ROBO1: variants seen among roughly 807,000 people sequenced by gnomAD.
ROBO1 encodes the protein roundabout homolog 1.
A neutral mutation model predicts 195.9 loss-of-function variants in ROBO1; 149 were observed. The ratio of observed to expected loss-of-function variants is 0.76; its 90% CI spans 0.67 to 0.87. The LOEUF is 0.87. ROBO1 is among the 40% of genes least tolerant of loss of function. The probability of loss-of-function intolerance (pLI) is 0.00; values close to 1 mark genes in which losing one functional copy is unlikely to be tolerated. For missense variants in ROBO1, 1,933 were observed against 2,068.3 expected, an observed-to-expected ratio of 0.93 and a Z score of 1.27; for synonymous variants, 816 against 733.2, an observed-to-expected ratio of 1.11 and a Z score of -1.82.
intron 2 of ROBO1, among the ~76,000 whole-genome samples, chr3:79,503,400 A>G (rs1940218506): frequency 6.6e-6 from 1 of 152,132 alleles, no homozygotes; most frequent in South Asian, 2.1e-4. Context: ...TGTACCACTC[A>G]CCGCTAGGGT....
chr3:79,588,524 G>T (rs1462248573), intron 2 of ROBO1, among the ~76,000 whole-genome samples: 1 of 151,644 alleles, frequency 6.6e-6, no homozygotes, highest in Admixed American at 6.6e-5. Context: ...TCTATCTATA[G>T]TTGTAGTTTT....
intron 1 of ROBO1, among the ~76,000 whole-genome samples, chr3:79,737,955 C>T (rs188447963): frequency 3.3e-5 from 5 of 152,262 alleles, no homozygotes; most frequent in Admixed American, 2.0e-4. Flanking sequence ...TCCATACTCC[C>T]GCTGGAAACC....
At chr3:79,738,123 A>G (rs147079335) in intron 1 of ROBO1, among the ~76,000 whole-genome samples, 142 of 152,250 alleles carry the variant, frequency 9.3e-4, no homozygotes, top group Non-Finnish European at 1.9e-3. Context: ...TTTCTAAAAT[A>G]ATTCAGTAAG....
intron 9 of ROBO1, 36 bp downstream of exon 9, chr3:78,688,612 C>T: frequency 6.5e-7 from 1 of 1,530,412 alleles, no homozygotes; most frequent in Non-Finnish European, 8.8e-7. Flanking sequence ...ACCATCTTTG[C>T]TGATTTAAAA....
At chr3:78,872,236 C>T (rs2035593909) in intron 4 of ROBO1, among the ~76,000 whole-genome samples, 1 of 152,184 alleles carries the variant, frequency 6.6e-6, no homozygotes. Context: ...TTCTCCTCAA[C>T]CCATCCTCCA....
chr3:78,970,299 T>C (rs1022688502), intron 3 of ROBO1, among the ~76,000 whole-genome samples: 2 of 152,180 alleles, frequency 1.3e-5, no homozygotes, highest in African/African-American at 2.4e-5. Flanking sequence ...AACTAGGTAA[T>C]ATATGTTCAC....
At chr3:79,417,330 T>C (rs2038046421) in intron 2 of ROBO1, among the ~76,000 whole-genome samples, 1 of 152,106 alleles carries the variant, frequency 6.6e-6, no homozygotes, top group African/African-American at 2.4e-5. Flanking sequence ...TGAGGGTTAG[T>C]CCACTAACCA....
chr3:78,616,677 C>G (rs1249766387), intron 27 of ROBO1, among the ~76,000 whole-genome samples: 1 of 151,976 alleles, frequency 6.6e-6, no homozygotes, highest in East Asian at 1.9e-4. Context: ...TGGCCTTTTC[C>G]TTCTCTGAAA....
At chr3:79,585,899 C>A (rs1321430308) in intron 2 of ROBO1, among the ~76,000 whole-genome samples, 1 of 151,930 alleles carries the variant, frequency 6.6e-6, no homozygotes, top group African/African-American at 2.4e-5. Context: ...CAAGCAATCT[C>A]TACAGGTTTT....
intron 29 of ROBO1, among the ~76,000 whole-genome samples, chr3:78,602,500 A>C (rs548758643): frequency 9.2e-5 from 14 of 152,160 alleles, no homozygotes; most frequent in Non-Finnish European, 2.1e-4. Context: ...GAAATGCAAG[A>C]ATGGCTTAAT....
chr3:79,030,874 GC>G (rs2078283238), intron 3 of ROBO1, among the ~76,000 whole-genome samples: 2 of 151,904 alleles, frequency 1.3e-5, no homozygotes, highest in African/African-American at 2.4e-5. Context: ...GGCACGCACT[GC>G]CACACCCAGC....
chr3:79,471,290 T>C (rs2107320018), intron 2 of ROBO1, among the ~76,000 whole-genome samples: 1 of 151,966 alleles, frequency 6.6e-6, no homozygotes, highest in South Asian at 2.1e-4. Context: ...GGCAATAAAA[T>C]AAAAAATAGA....
At chr3:78,939,584 C>T (rs1460570572) in intron 3 of ROBO1, among the ~76,000 whole-genome samples, 2 of 150,704 alleles carry the variant, frequency 1.3e-5, no homozygotes, top group African/African-American at 2.4e-5. Context: ...CGCCACTGCA[C>T]TCCAGCCTGG....
chr3:79,678,945 G>T (rs2106955821), intron 1 of ROBO1, among the ~76,000 whole-genome samples: 1 of 152,088 alleles, frequency 6.6e-6, no homozygotes, highest in Admixed American at 6.6e-5. Flanking sequence ...TCACAAAATG[G>T]ACACTTAATG....
chr3:79,430,832 G>A (rs548651996), intron 2 of ROBO1, among the ~76,000 whole-genome samples: 130 of 152,212 alleles, frequency 8.5e-4, no homozygotes, highest in Non-Finnish European at 1.5e-3. Flanking sequence ...AATCAAATAA[G>A]TTATTGATGG....
At chr3:79,470,107 A>ACATATGTCTTTG (rs1938188295) in intron 2 of ROBO1, among the ~76,000 whole-genome samples, 2 of 152,210 alleles carry the variant, frequency 1.3e-5, no homozygotes, top group South Asian at 4.1e-4. Flanking sequence ...AGACACATGA[A>ACATATGTCTTTG]CATGTATGTT....
At chr3:79,518,803 C>A (rs1472640302) in intron 2 of ROBO1, among the ~76,000 whole-genome samples, 1 of 151,378 alleles carries the variant, frequency 6.6e-6, no homozygotes, top group African/African-American at 2.4e-5. Flanking sequence ...TCCCAAGTAG[C>A]TGGGATTACA....
intron 4 of ROBO1, among the ~76,000 whole-genome samples, chr3:78,747,604 C>T (rs1357396914): frequency 1.3e-5 from 2 of 152,018 alleles, no homozygotes; most frequent in Non-Finnish European, 2.9e-5. Flanking sequence ...TATACTATCT[C>T]ATTAAATCCT....
chr3:79,367,057 A>G (rs965204215), intron 2 of ROBO1, among the ~76,000 whole-genome samples: 2 of 152,210 alleles, frequency 1.3e-5, no homozygotes, highest in Non-Finnish European at 2.9e-5. Context: ...GCAGCTATAC[A>G]TTATAATTAT....
Sources: gnomAD v4.1 joint callset for allele counts (sites outside exome capture counted in the v4.1 genomes callset) on GRCh38, gnomAD v4.1.1 for gene constraint, MANE v1.5 for transcripts, NCBI Gene and HGNC (gene_info 2026-07-23, HGNC 2026-07-21) for gene names.